The following TMEM243 variants were observed in gnomAD, a reference collection of about 807,000 sequenced individuals.
TMEM243 encodes transmembrane protein 243.
A neutral mutation model predicts 15.0 loss-of-function variants in TMEM243; 20 were observed. The observed-to-expected ratio is 1.33, with a 90% CI of 0.94 to 1.93. The LOEUF (loss-of-function observed/expected upper bound fraction) is 1.93, where lower values mean the gene tolerates loss of function less well. Ranked by LOEUF, TMEM243 falls within the 30% of genes most tolerant of loss-of-function variation. The pLI is 0.00. For missense variants in TMEM243, 156 were observed against 142.1 expected (o/e 1.10, Z -0.50); for synonymous variants, 72 against 52.7 (o/e 1.37, Z -1.59).
chr7:87,197,755 A>G, intron 3 of TMEM243, 186 bp downstream of exon 3: 1 of 1,333,632 alleles, frequency 7.5e-7, no homozygotes, highest in South Asian at 1.7e-5. Flanking sequence ...TGGGGTTACA[A>G]CTTTGGGATT....
upstream of TMEM243, chr7:87,220,347 C>T (rs1803441162): frequency 6.5e-6 from 1 of 152,690 alleles, no homozygotes; most frequent in East Asian, 1.9e-4. Context: ...ATATTGGTCC[C>T]GCGCCCGCCA....
At chr7:87,203,817 A>G (rs1802001309) in intron 1 of TMEM243, among the ~76,000 whole-genome samples, 1 of 152,176 alleles carries the variant, frequency 6.6e-6, no homozygotes, top group South Asian at 2.1e-4. Context: ...CACAGAAAAT[A>G]TAGATAATTC....
intron 1 of TMEM243, among the ~76,000 whole-genome samples, chr7:87,213,647 C>T (rs530700600): frequency 1.5e-4 from 23 of 152,244 alleles, no homozygotes; most frequent in African/African-American, 3.9e-4. Context: ...CTTAAATAAG[C>T]GACAACAAAA....
intron 1 of TMEM243, among the ~76,000 whole-genome samples, chr7:87,211,038 C>A (rs1802708152): frequency 6.6e-6 from 1 of 152,220 alleles, no homozygotes; most frequent in Non-Finnish European, 1.5e-5. Flanking sequence ...AGGACCTGAT[C>A]CACAAAACCA....
upstream of TMEM243, chr7:87,220,496 G>A (rs1016348529): frequency 6.6e-6 from 1 of 152,264 alleles, no homozygotes; most frequent in African/African-American, 2.4e-5. Flanking sequence ...GAGGAATCGC[G>A]CGGTCCCGTC....
At chr7:87,203,667 TGAA>T (rs1324070295) in intron 1 of TMEM243, among the ~76,000 whole-genome samples, 2 of 151,916 alleles carry the variant, frequency 1.3e-5, no homozygotes, top group Admixed American at 6.6e-5. Flanking sequence ...AATGTTTGTA[TGAA>T]GATTTCTGAC....
intron 1 of TMEM243, 115 bp downstream of exon 1, chr7:87,219,311 G>A: frequency 1.1e-6 from 1 of 930,352 alleles, no homozygotes; most frequent in Non-Finnish European, 1.7e-6. Flanking sequence ...TGCAGAACCA[G>A]CTTCCTCCCT....
intron 3 of TMEM243, 97 bp downstream of exon 3, chr7:87,197,844 G>A: frequency 4.4e-6 from 7 of 1,585,878 alleles, no homozygotes; most frequent in South Asian, 2.3e-5. Context: ...ATAATTAAGA[G>A]ATACCCTTTT....
chr7:87,218,223 T>C (rs1803245759), intron 1 of TMEM243, among the ~76,000 whole-genome samples: 1 of 152,218 alleles, frequency 6.6e-6, no homozygotes. Flanking sequence ...TTGCCTAAGA[T>C]GGAACATCTA....
chr7:87,218,258 CAGG>C (rs1443416269), intron 1 of TMEM243, among the ~76,000 whole-genome samples: 1 of 152,222 alleles, frequency 6.6e-6, no homozygotes. Context: ...CGTCTCAAAC[CAGG>C]AGCACTGTGG....
intron 1 of TMEM243, among the ~76,000 whole-genome samples, chr7:87,205,016 C>T (rs774896560): frequency 3.3e-5 from 5 of 152,370 alleles, no homozygotes; most frequent in East Asian, 1.9e-4. Context: ...TTGACTTCTG[C>T]GCACCTGCGG....
Position 87,199,037 on chromosome 7 carries a change from A to C in TMEM243, c.99T>G (p.Val33=). The C allele has an allele frequency of 6.2e-7, 1 of 1,606,344 alleles. No homozygotes were observed. Among genetic ancestry groups the C allele is most frequent in the Non-Finnish European group, 8.5e-7 (1 of 1,177,494 alleles). Residue 33 remains valine, a synonymous_variant, in exon 2 of 4, where the codon GTT becomes GTG. Transcript: ENST00000257637. Reference sequence around the variant, plus strand: ...TCAATAAGGATGTTAAGCTGCCAACAACTAAATTGATGATTCGATCCTGAA... The same window carrying C: ...TCAATAAGGATGTTAAGCTGCCAACCACTAAATTGATGATTCGATCCTGAA... ...TSAKDRIINL[V]VGSLTSLLIL...
chr7:87,216,093 AC>A (rs1803095812), intron 1 of TMEM243, among the ~76,000 whole-genome samples: 1 of 151,574 alleles, frequency 6.6e-6, no homozygotes, highest in Non-Finnish European at 1.5e-5. Context: ...ACACGGTGAA[AC>A]CCCCATCTCA....
chr7:87,200,728 G>C (rs1300541270), intron 1 of TMEM243, among the ~76,000 whole-genome samples: 1 of 152,108 alleles, frequency 6.6e-6, no homozygotes, highest in Non-Finnish European at 1.5e-5. Context: ...AGCAAAACAG[G>C]CTCAGGGAAA....
intron 1 of TMEM243, among the ~76,000 whole-genome samples, chr7:87,209,803 CGA>C (rs1491418606): frequency 1.7e-4 from 9 of 51,616 alleles, no homozygotes; most frequent in Admixed American, 7.9e-4. Flanking sequence ...CGAGACAGAG[CGA>C]GAGACAGTGA....
chr7:87,202,002 G>C (rs1410410614), intron 1 of TMEM243, among the ~76,000 whole-genome samples: 1 of 152,306 alleles, frequency 6.6e-6, no homozygotes, highest in East Asian at 1.9e-4. Context: ...TTTAGAGATA[G>C]TCTGAATTCA....
chr7:87,213,804 G>A (rs1713638074), intron 1 of TMEM243, among the ~76,000 whole-genome samples: 1 of 150,890 alleles, frequency 6.6e-6, no homozygotes, highest in Non-Finnish European at 1.5e-5. Context: ...TTGGGGGGAT[G>A]GGGATAAAGG....
chr7:87,211,256 A>C (rs1802723969), intron 1 of TMEM243, among the ~76,000 whole-genome samples: 1 of 152,182 alleles, frequency 6.6e-6, no homozygotes, highest in Non-Finnish European at 1.5e-5. Context: ...CTTTTATAAA[A>C]GGCTCAATCC....
chr7:87,196,771 T>C lies in TMEM243; in HGVS notation c.235-13A>G. The C allele has an allele frequency of 6.6e-7, 1 of 1,511,718 alleles. No individual in the cohort carries two copies. The highest frequency in any genetic ancestry group is 1.2e-5 in the South Asian group (1 of 81,418). 93.6% of individuals were successfully genotyped at this position (1,511,718 alleles called of 1,614,324 possible). ...GATACCAGTAGATCTAAAAGAAGAA[T>C]TAAAGTTTATAAATTAAAATTTGAA... On this transcript the variant is annotated splice_polypyrimidine_tract_variant and intron_variant, in intron 3 of 3. Coordinates refer to ENST00000257637, the MANE Select transcript of TMEM243 (RefSeq NM_024315.4).
Sources: allele counts gnomAD v4.1 joint callset (sites outside exome capture counted in the v4.1 genomes callset), GRCh38; gene constraint gnomAD v4.1.1; transcripts MANE v1.5; gene names NCBI Gene and HGNC (gene_info 2026-07-23, HGNC 2026-07-21).